The following MRTFA variants were observed in gnomAD, a reference collection of about 807,000 sequenced individuals.
MRTFA encodes myocardin related transcription factor A.
A neutral mutation model predicts 83.5 loss-of-function variants in MRTFA; 20 were observed. The observed-to-expected ratio is 0.24, with a 90% CI of 0.17 to 0.35. MRTFA has a LOEUF of 0.35. MRTFA is among the 10% of genes least tolerant of loss of function. The probability of loss-of-function intolerance (pLI) is 1.00; values close to 1 mark genes in which losing one functional copy is unlikely to be tolerated. For missense variants in MRTFA, 1,200 were observed against 1,224.7 expected, an observed-to-expected ratio of 0.98 and a Z score of 0.30; for synonymous variants, 659 against 541.2, an observed-to-expected ratio of 1.22 and a Z score of -3.02.
At position 40,419,158 on chromosome 22, in the gene MRTFA, G is replaced by A. The variant is rs1258713125; in HGVS notation, c.1580C>T (p.Ala527Val). Residue 527 changes from alanine (A) to valine (V), a missense_variant, in exon 12 of 15, where the codon GCT (alanine) becomes GTT (valine). By Grantham distance (64) the Ala-to-Val change is moderately conservative. Coordinates refer to ENST00000355630, the MANE Select transcript of MRTFA (RefSeq NM_020831.6). ...CGTGGCCACCACCACCTCAGCTGGA[G>A]CCAGGCCTGCTGCCACCAGGGCTGG... 6.3e-7 allele frequency: 1 copy of A among 1,583,284 alleles called. No individual in the cohort carries two copies. Among genetic ancestry groups the A allele is most frequent in the African/African-American group, 1.4e-5 (1 of 74,058 alleles).
At chr22:40,551,485 A>G (rs2055443635) in intron 3 of MRTFA, among the ~76,000 whole-genome samples, 1 of 152,088 alleles carries the variant, frequency 6.6e-6, no homozygotes, top group Non-Finnish European at 1.5e-5. Context: ...CTCCCACCTC[A>G]GACTCCCCAG....
chr22:40,614,247 T>TA (rs914192853), intron 1 of MRTFA, among the ~76,000 whole-genome samples: 2 of 149,752 alleles, frequency 1.3e-5, no homozygotes, highest in African/African-American at 4.9e-5. Flanking sequence ...TAAAAAAAAA[T>TA]AAAAAAATTT....
intron 1 of MRTFA, among the ~76,000 whole-genome samples, chr22:40,605,747 A>C (rs1415992464): frequency 6.6e-6 from 1 of 152,208 alleles, no homozygotes; most frequent in Non-Finnish European, 1.5e-5. Flanking sequence ...AAAATCTTTT[A>C]AATTGCCTTA....
rs879301578 is a variant in MRTFA at position 40,548,891 on chromosome 22, CA to C, written c.241+3214del. Among the ~76,000 whole-genome samples, 1,058 of 127,948 alleles carry C rather than the reference CA, an allele frequency of 8.3e-3. 7 individuals carry two copies. Among genetic ancestry groups the C allele is most frequent in the African/African-American group, 0.021 (749 of 34,926 alleles). The allele number at this position is 127,948 out of a possible 152,430, so 83.9% of individuals were successfully genotyped here. ...AATATATATATACCACTTACATCTA[CA>C]AAAAAAAAAAAAATTATATCCAGGA... On this transcript the variant is annotated intron_variant, in intron 3 of 14. Coordinates refer to ENST00000355630, the MANE Select transcript of MRTFA (RefSeq NM_020831.6).
chr22:40,541,774 C>G (rs1191503438), intron 3 of MRTFA, among the ~76,000 whole-genome samples: 1 of 150,892 alleles, frequency 6.6e-6, no homozygotes, highest in Non-Finnish European at 1.5e-5. Context: ...TCAAGCGATT[C>G]TCTTGCCTCA....
intron 2 of MRTFA, among the ~76,000 whole-genome samples, chr22:40,553,678 T>G (rs905786668): frequency 6.6e-6 from 1 of 152,082 alleles, no homozygotes; most frequent in Non-Finnish European, 1.5e-5. Flanking sequence ...ATGGAGAACC[T>G]CTACTAGGGC....
At chr22:40,468,417 A>G (rs1043061424) in intron 3 of MRTFA, among the ~76,000 whole-genome samples, 7 of 152,144 alleles carry the variant, frequency 4.6e-5, no homozygotes, top group Non-Finnish European at 7.4e-5. Flanking sequence ...AAGAATAGGA[A>G]GGTGGGGTTA....
chr22:40,571,026 CAAAAAAAAAAAAAAAAA>C (rs71199292), intron 2 of MRTFA, among the ~76,000 whole-genome samples: 646 of 46,774 alleles, frequency 0.014, 11 homozygotes, highest in Non-Finnish European at 0.019. Flanking sequence ...CCTGTCTCTA[CAAAAAAAAAAAAAAAAA>C]AAAAAAAAAA....
chr22:40,471,359 T>C (rs971809095), intron 3 of MRTFA, among the ~76,000 whole-genome samples: 3 of 150,610 alleles, frequency 2.0e-5, no homozygotes, highest in African/African-American at 7.3e-5. Flanking sequence ...GCCGAGATCA[T>C]GCCACTGCAC....
chr22:40,611,113 A>G (rs879863525), intron 1 of MRTFA, among the ~76,000 whole-genome samples: 1 of 151,458 alleles, frequency 6.6e-6, no homozygotes, highest in Non-Finnish European at 1.5e-5. Flanking sequence ...GATTTTTTGT[A>G]TTTTTAGTAG....
intron 3 of MRTFA, among the ~76,000 whole-genome samples, chr22:40,495,759 A>G (rs2054343163): frequency 8.5e-6 from 1 of 117,908 alleles, no homozygotes; most frequent in South Asian, 2.7e-4. Flanking sequence ...CTCCATCTCA[A>G]AAAAAAAAAA....
intron 2 of MRTFA, among the ~76,000 whole-genome samples, chr22:40,591,520 T>C (rs2056121710): frequency 6.6e-6 from 1 of 152,168 alleles, no homozygotes; most frequent in Admixed American, 6.5e-5. Flanking sequence ...ATGCAGAACT[T>C]AATAAAATGT....
intron 4 of MRTFA, among the ~76,000 whole-genome samples, chr22:40,445,347 A>G (rs1035640790): frequency 8.5e-5 from 13 of 152,136 alleles, no homozygotes; most frequent in Non-Finnish European, 1.8e-4. Flanking sequence ...ATGACATTTT[A>G]CCCCTAAATT....
chr22:40,460,706 AAGCAC>A (rs1473871317), intron 4 of MRTFA, among the ~76,000 whole-genome samples: 3 of 152,144 alleles, frequency 2.0e-5, no homozygotes, highest in African/African-American at 7.2e-5. Flanking sequence ...GTGTATTGTA[AAGCAC>A]AGCATTGCCC....
In MRTFA at chr22:40,416,889, C is replaced by A. The variant is rs528874723; in HGVS notation, c.2578+97G>T. ...CACAGTGCTTGCCCAAGACTGGTCA[C>A]GCACGGAAGCATTCAATAAAAACAA... On this transcript the variant is annotated intron_variant, in intron 14 of 14. Coordinates refer to ENST00000355630, the MANE Select transcript of MRTFA (RefSeq NM_020831.6). This position sits in a 1 kb window ranked among gnomAD's most constrained non-coding sequence, Gnocchi z 4.2. 3 of 1,169,652 alleles carry A rather than the reference C, an allele frequency of 2.6e-6. No individual in the cohort carries two copies. Among genetic ancestry groups the A allele is most frequent in the Non-Finnish European group, 3.7e-6 (3 of 810,144 alleles). The allele number at this position is 1,169,652 out of a possible 1,614,324, so 72.5% of individuals were successfully genotyped here.
intron 6 of MRTFA, 68 bp downstream of exon 6, chr22:40,431,337 G>A: frequency 7.2e-7 from 1 of 1,397,132 alleles, no homozygotes. Context: ...AAGGAAATGG[G>A]TAGTGCAGTA....
intron 3 of MRTFA, among the ~76,000 whole-genome samples, chr22:40,520,107 C>T (rs1356834414): frequency 6.6e-6 from 1 of 152,140 alleles, no homozygotes; most frequent in Non-Finnish European, 1.5e-5. Flanking sequence ...TTTCTCCTTC[C>T]ACTTCCAGCC....
chr22:40,413,312 AAAG>A (rs2052601975), intron 14 of MRTFA, among the ~76,000 whole-genome samples: 1 of 151,630 alleles, frequency 6.6e-6, no homozygotes, highest in Non-Finnish European at 1.5e-5. Context: ...AACAACAAAA[AAAG>A]GTAAATTTTA....
chr22:40,422,493 C>T (rs1366662353), intron 9 of MRTFA, among the ~76,000 whole-genome samples: 1 of 152,216 alleles, frequency 6.6e-6, no homozygotes, highest in Non-Finnish European at 1.5e-5. Flanking sequence ...GCAGGACAGG[C>T]ACTAACTGAT....
Sources: gnomAD v4.1 joint callset for allele counts (sites outside exome capture counted in the v4.1 genomes callset) on GRCh38, gnomAD v4.1.1 for gene constraint, Gnocchi (gnomAD v3.1) non-coding constraint, MANE v1.5 for transcripts, NCBI Gene and HGNC (gene_info 2026-07-23, HGNC 2026-07-21) for gene names.